CDH4: variants seen among roughly 807,000 people sequenced by gnomAD.
The protein encoded by CDH4 is cadherin 4, also known as cadherin-4.
In CDH4, 33 loss-of-function variants were observed where a neutral mutation model predicts 86.0. The ratio of observed to expected loss-of-function variants is 0.38; its 90% CI spans 0.29 to 0.51. The LOEUF (loss-of-function observed/expected upper bound fraction) is 0.51, where lower values mean the gene tolerates loss of function less well. CDH4 is among the 20% of genes least tolerant of loss of function. The probability of loss-of-function intolerance (pLI) is 0.86; values close to 1 mark genes in which losing one functional copy is unlikely to be tolerated. For missense variants in CDH4, 1,114 were observed against 1,307.4 expected (o/e 0.85, Z 2.28); for synonymous variants, 555 against 549.4 (o/e 1.01, Z -0.14).
chr20:61,913,160 C>A (rs1448961459), intron 9 of CDH4, among the ~76,000 whole-genome samples: 3 of 152,190 alleles, frequency 2.0e-5, no homozygotes, highest in Admixed American at 6.5e-5. Context: ...CAGCACCTGT[C>A]TCACCTCCCC....
rs180918128 is a variant in CDH4 at position 61,530,199 on chromosome 20, T to C, written c.170-213364T>C. 7.9e-5 allele frequency among the ~76,000 whole-genome samples: 12 copies of C among 152,134 alleles called. No individual in the cohort carries two copies. The East Asian group carries it at 1.7e-3, about 22-fold the overall frequency. On this transcript the variant is annotated intron_variant, in intron 2 of 15. Coordinates refer to ENST00000614565, the MANE Select transcript of CDH4 (RefSeq NM_001794.5). ...AGGGAACCACCCCACACCCGGCTAA[T>C]TTTTGTATTTTAGTAGAGATGGGAT... is the stretch of plus-strand genomic sequence containing the variant.
intron 2 of CDH4, among the ~76,000 whole-genome samples, chr20:61,646,499 G>C (rs1254855070): frequency 6.6e-6 from 1 of 152,214 alleles, no homozygotes; most frequent in African/African-American, 2.4e-5. Flanking sequence ...TCTTCTACCT[G>C]TGTGACCCTG....
intron 2 of CDH4, among the ~76,000 whole-genome samples, chr20:61,656,567 C>A (rs1205756092): frequency 6.6e-6 from 1 of 152,100 alleles, no homozygotes; most frequent in South Asian, 2.1e-4. Context: ...CTGGCTGAGG[C>A]GTGGGTCAGT....
At chr20:61,878,895 C>T (rs1187140493) in intron 7 of CDH4, among the ~76,000 whole-genome samples, 1 of 152,254 alleles carries the variant, frequency 6.6e-6, no homozygotes, top group Non-Finnish European at 1.5e-5. Context: ...CGCCCCTCGC[C>T]AGGGCTCTGC....
chr20:61,590,154 T>C (rs1034107896), intron 2 of CDH4, among the ~76,000 whole-genome samples: 1 of 81,838 alleles, frequency 1.2e-5, no homozygotes, highest in Admixed American at 1.6e-4. Context: ...TGTAGGGAGA[T>C]GGACGTGGAG....
At chr20:61,425,140 T>A (rs2085204864) in intron 2 of CDH4, among the ~76,000 whole-genome samples, 1 of 152,090 alleles carries the variant, frequency 6.6e-6, no homozygotes, top group South Asian at 2.1e-4. Flanking sequence ...GCGAGCGCCT[T>A]GAATCACAGC....
chr20:61,697,220 G>T (rs1388596810), intron 2 of CDH4, among the ~76,000 whole-genome samples: 3 of 152,196 alleles, frequency 2.0e-5, no homozygotes, highest in Admixed American at 1.3e-4. Context: ...TGGAAAGGAT[G>T]GAAGATGCTG....
At chr20:61,300,233 G>A (rs1481687212) in intron 2 of CDH4, among the ~76,000 whole-genome samples, 2 of 152,140 alleles carry the variant, frequency 1.3e-5, no homozygotes, top group African/African-American at 2.4e-5. Flanking sequence ...CCAGGGATGC[G>A]TGGGTCTGAG....
intron 2 of CDH4, chr20:61,437,292 T>C (rs1335903134): frequency 1.3e-5 from 2 of 152,372 alleles, no homozygotes; most frequent in African/African-American, 4.8e-5. Flanking sequence ...TGATGCACAT[T>C]TCTTTTTCCT....
chr20:61,439,280 A>ATTTCGGTTGTACTGCGGTGTGCG (rs1568845407), intron 2 of CDH4, among the ~76,000 whole-genome samples: 2 of 151,804 alleles, frequency 1.3e-5, no homozygotes, highest in Admixed American at 6.6e-5. Flanking sequence ...TGCAGTGTGC[A>ATTTCGGTTGTACTGCGGTGTGCG]TTTCGGTTGT....
rs145791709 is a variant in CDH4 at position 61,501,394 on chromosome 20, T to C, written c.170-242169T>C. Among the ~76,000 whole-genome samples the C allele has an allele frequency of 2.3e-3, 349 of 152,160 alleles. 1 individual carries two copies. Among genetic ancestry groups the C allele is most frequent in the African/African-American group, 8.0e-3 (334 of 41,530 alleles). The stretch of plus-strand genomic sequence containing the variant: ...TGAGACAAATGGAGTGTGGCCTGCT[T>C]GGGAAATGCTGAAAAGTGTTGGTGT... On this transcript the variant is annotated intron_variant, in intron 2 of 15. Coordinates refer to ENST00000614565, the MANE Select transcript of CDH4 (RefSeq NM_001794.5). This position sits in a 1 kb window ranked among gnomAD's most constrained non-coding sequence, Gnocchi z 4.2.
intron 2 of CDH4, among the ~76,000 whole-genome samples, chr20:61,355,207 T>C (rs957315951): frequency 6.6e-6 from 1 of 152,130 alleles, no homozygotes; most frequent in Non-Finnish European, 1.5e-5. Flanking sequence ...CCCTGGAGAA[T>C]TGAAGTCCTT....
intron 2 of CDH4, among the ~76,000 whole-genome samples, chr20:61,422,117 C>G (rs1203686382): frequency 6.6e-6 from 1 of 152,168 alleles, no homozygotes; most frequent in Non-Finnish European, 1.5e-5. Context: ...TCTATGCATT[C>G]CACTGCATTG....
intron 2 of CDH4, among the ~76,000 whole-genome samples, chr20:61,402,172 G>A (rs2085053249): frequency 6.6e-6 from 1 of 152,152 alleles, no homozygotes; most frequent in African/African-American, 2.4e-5. Context: ...CTGGCTCCAG[G>A]ACTTCCCCAG....
chr20:61,320,842 G>C (rs2084504059), intron 2 of CDH4, among the ~76,000 whole-genome samples: 1 of 152,004 alleles, frequency 6.6e-6, no homozygotes, highest in African/African-American at 2.4e-5. Flanking sequence ...TGGGGACACG[G>C]CCAGGTGGCT....
At chr20:61,580,386 G>T (rs1276646743) in intron 2 of CDH4, among the ~76,000 whole-genome samples, 1 of 152,124 alleles carries the variant, frequency 6.6e-6, no homozygotes, top group Non-Finnish European at 1.5e-5. Flanking sequence ...CACCCGGGAG[G>T]TGGAGGCTGC....
At chr20:61,655,231 C>T (rs775046484) in intron 2 of CDH4, among the ~76,000 whole-genome samples, 2 of 152,202 alleles carry the variant, frequency 1.3e-5, no homozygotes, top group Non-Finnish European at 2.9e-5. Context: ...AAAATAATCA[C>T]CAAGGGTCCT....
intron 2 of CDH4, among the ~76,000 whole-genome samples, chr20:61,439,426 TG>T (rs1482571294): frequency 6.6e-6 from 1 of 152,170 alleles, no homozygotes; most frequent in African/African-American, 2.4e-5. Flanking sequence ...GGGTTAAGGC[TG>T]GCATCATCCC....
At chr20:61,655,460 C>T (rs899402022) in intron 2 of CDH4, among the ~76,000 whole-genome samples, 3 of 152,220 alleles carry the variant, frequency 2.0e-5, no homozygotes, top group African/African-American at 4.8e-5. Flanking sequence ...TTAAAAGAAA[C>T]GGCCATCGTT....
Sources: allele counts gnomAD v4.1 joint callset (sites outside exome capture counted in the v4.1 genomes callset), GRCh38; gene constraint gnomAD v4.1.1; non-coding constraint Gnocchi (gnomAD v3.1); transcripts MANE v1.5; gene names NCBI Gene and HGNC (gene_info 2026-07-23, HGNC 2026-07-21).